SPINK5: variants seen among roughly 807,000 people sequenced by gnomAD.
SPINK5 encodes the protein serine peptidase inhibitor Kazal type 5.
Under a neutral mutation model 151.8 loss-of-function variants are expected in SPINK5, and 125 were observed. The observed-to-expected ratio is 0.82, with a 90% CI of 0.71 to 0.96. SPINK5 has a LOEUF of 0.96. Among genes scored for constraint, SPINK5 ranks in the 40% least tolerant of loss-of-function variants. The pLI is 0.00. For missense variants in SPINK5, 1,194 were observed against 1,291.9 expected, an observed-to-expected ratio of 0.92 and a Z score of 1.16; for synonymous variants, 374 against 395.3, an observed-to-expected ratio of 0.95 and a Z score of 0.64.
intron 4 of SPINK5, among the ~76,000 whole-genome samples, chr5:148,074,909 T>G (rs1752839461): frequency 6.6e-6 from 1 of 151,784 alleles, no homozygotes; most frequent in Non-Finnish European, 1.5e-5. Flanking sequence ...TATTTTGTTT[T>G]TTATTGTGTT....
chr5:148,107,921 A>G lies in SPINK5; in HGVS notation c.1607+757A>G, dbSNP rs181974395. Among the ~76,000 whole-genome samples the G allele has an allele frequency of 1.1e-3, 169 of 152,306 alleles. 1 individual carries two copies. The highest frequency in any genetic ancestry group is 8.9e-3 in the South Asian group (43 of 4,826). On this transcript the variant is annotated intron_variant, in intron 17 of 32. Coordinates refer to ENST00000256084, the MANE Select transcript of SPINK5 (RefSeq NM_006846.4). ...AAAATAAATGCCGAGAAAAACGCTT[A>G]TTTAAATAATACCTGCTGAGGTGCA...
chr5:148,121,788 T>C (rs1402158728), intron 26 of SPINK5, among the ~76,000 whole-genome samples: 1 of 149,658 alleles, frequency 6.7e-6, no homozygotes, highest in Non-Finnish European at 1.5e-5. Flanking sequence ...TGAGACCCTG[T>C]CTCTACAAAA....
chr5:148,124,742 CT>C (rs3036731), intron 27 of SPINK5, 22 bp from the exon 28 acceptor site: 31 of 1,374,032 alleles, frequency 2.3e-5, no homozygotes, highest in South Asian at 5.7e-5. Flanking sequence ...ATTACCCTAT[CT>C]TTTTTTTTAA....
chr5:148,070,566 A>G, intron 3 of SPINK5, 116 bp downstream of exon 3: 1 of 1,359,014 alleles, frequency 7.4e-7, no homozygotes, highest in Non-Finnish European at 1.0e-6. Flanking sequence ...TGGTTAAATA[A>G]AAGTGCTGAG....
intron 1 of SPINK5, 123 bp from the exon 2 acceptor site, chr5:148,065,224 C>A: frequency 9.8e-7 from 1 of 1,024,192 alleles, no homozygotes; most frequent in Non-Finnish European, 1.5e-6. Flanking sequence ...GTTCAAAAAC[C>A]ATTTGCGGTT....
chr5:148,089,648 TTGA>T lies in SPINK5; in HGVS notation c.602+36_602+38del, dbSNP rs371688028. 176 of 1,611,174 alleles carry T rather than the reference TTGA, an allele frequency of 1.1e-4. 1 individual carries two copies. The African/African-American group carries it at 1.9e-3, about 17-fold the overall frequency. On this transcript the variant is annotated intron_variant, in intron 7 of 32. Coordinates refer to ENST00000256084, the MANE Select transcript of SPINK5 (RefSeq NM_006846.4). ...TAAGTAGCATCATCCCCAGGTGGAC[TTGA>T]TGATGATGCACTTGGTTGCTGTCCC... is the stretch of plus-strand genomic sequence containing the variant.
At chr5:148,131,538 T>G (rs1293609970) in intron 31 of SPINK5, 149 bp downstream of exon 31, 2 of 1,145,298 alleles carry the variant, frequency 1.7e-6, no homozygotes, top group East Asian at 5.0e-5. Flanking sequence ...TTGTGAATTA[T>G]CTTTCTTATA....
intron 10 of SPINK5, 120 bp from the exon 11 acceptor site, chr5:148,097,747 C>T (rs1340963687): frequency 3.5e-6 from 4 of 1,137,752 alleles, no homozygotes; most frequent in Non-Finnish European, 2.4e-6. Flanking sequence ...TTGGATGGTC[C>T]TAAATCTTAA....
At chr5:148,125,015 C>A (rs1754395014) in intron 28 of SPINK5, 178 bp downstream of exon 28, 1 of 914,624 alleles carries the variant, frequency 1.1e-6, no homozygotes, top group Non-Finnish European at 1.5e-6. Context: ...GGGTTTGATA[C>A]CTTTTTTGAT....
At chr5:148,067,301 C>T (rs1340301926) in intron 2 of SPINK5, among the ~76,000 whole-genome samples, 2 of 152,090 alleles carry the variant, frequency 1.3e-5, no homozygotes, top group Non-Finnish European at 2.9e-5. Flanking sequence ...GAACTTGGCC[C>T]TAGAGGGCTC....
intron 32 of SPINK5, among the ~76,000 whole-genome samples, chr5:148,134,415 G>A (rs1224157582): frequency 5.3e-5 from 8 of 152,070 alleles, no homozygotes. Flanking sequence ...TCAGGGAGAT[G>A]GTATGTAACA....
chr5:148,087,316 G>A (rs1344394255), intron 5 of SPINK5, among the ~76,000 whole-genome samples: 1 of 151,688 alleles, frequency 6.6e-6, no homozygotes, highest in East Asian at 1.9e-4. Context: ...GCGGGTTCTG[G>A]CTTGTGATCT....
At chr5:148,097,162 T>C (rs1445912059) in intron 10 of SPINK5, among the ~76,000 whole-genome samples, 1 of 151,822 alleles carries the variant, frequency 6.6e-6, no homozygotes, top group Non-Finnish European at 1.5e-5. Context: ...CTTCAGTCCC[T>C]AGTTAATCAA....
Position 148,091,162 on chromosome 5 carries a change from C to T in SPINK5, c.603-3C>T, listed in dbSNP as rs185217593. The T allele has an allele frequency of 6.5e-5, 105 of 1,610,506 alleles. No individual in the cohort carries two copies. In the African/African-American group the frequency reaches 1.2e-3, roughly 18 times the overall value. On this transcript the variant is annotated splice_polypyrimidine_tract_variant and splice_region_variant and intron_variant, in intron 7 of 32. Transcript: ENST00000256084. ...CTGACCAACTGTTTACTTTTCTTAA[C>T]AGTTTAAAAGAAGCTGAAAATGCCA...
intron 32 of SPINK5, among the ~76,000 whole-genome samples, chr5:148,135,608 C>T (rs1754678141): frequency 1.3e-5 from 2 of 152,068 alleles, no homozygotes; most frequent in Non-Finnish European, 2.9e-5. Context: ...GTGTCCTGGA[C>T]ACAGGTGGAA....
At chr5:148,096,742 C>CTT (rs1753475361) in intron 10 of SPINK5, among the ~76,000 whole-genome samples, 9 of 135,832 alleles carry the variant, frequency 6.6e-5, no homozygotes, top group South Asian at 2.6e-4. Context: ...TTTTCTTTTT[C>CTT]TTTTCTTTTC....
chr5:148,127,898 G>A (rs778158983), intron 30 of SPINK5, among the ~76,000 whole-genome samples: 2 of 152,058 alleles, frequency 1.3e-5, no homozygotes, highest in African/African-American at 4.8e-5. Context: ...CACCAGTAAT[G>A]TAAGTATTAG....
At chr5:148,081,829 A>G (rs1032588573) in intron 4 of SPINK5, among the ~76,000 whole-genome samples, 12 of 151,724 alleles carry the variant, frequency 7.9e-5, no homozygotes, top group African/African-American at 2.4e-5. Flanking sequence ...CTGCTTTGGA[A>G]TGATTTGTAC....
intron 7 of SPINK5, 56 bp downstream of exon 7, chr5:148,089,677 G>A (rs575547148): frequency 4.7e-5 from 76 of 1,609,472 alleles, no homozygotes; most frequent in Admixed American, 1.7e-4. Flanking sequence ...TTGCTGTCCC[G>A]AGAATCACTC....
Sources: allele counts gnomAD v4.1 joint callset (sites outside exome capture counted in the v4.1 genomes callset), GRCh38; gene constraint gnomAD v4.1.1; transcripts MANE v1.5; gene names NCBI Gene and HGNC (gene_info 2026-07-23, HGNC 2026-07-21).